Variants in CNTNAP2 observed in about 807,000 individuals in gnomAD.
CNTNAP2 encodes contactin associated protein 2.
CNTNAP2 carries 98 observed loss-of-function variants against 155.2 expected under a neutral mutation model. That is an observed-to-expected ratio of 0.63 (90% CI 0.54 to 0.75). The LOEUF is 0.75. CNTNAP2 is among the 30% of genes least tolerant of loss of function. CNTNAP2 has a pLI of 0.00. For synonymous variants in CNTNAP2, 651 were observed against 631.2 expected, an observed-to-expected ratio of 1.03 and a Z score of -0.47; for missense variants, 1,727 against 1,688.1, an observed-to-expected ratio of 1.02 and a Z score of -0.40.
chr7:148,094,189 C>T (rs946120655), intron 15 of CNTNAP2, among the ~76,000 whole-genome samples: 3 of 152,202 alleles, frequency 2.0e-5, no homozygotes, highest in Non-Finnish European at 4.4e-5. Flanking sequence ...TACTTAATTT[C>T]TCTATAAGCC....
intron 12 of CNTNAP2, among the ~76,000 whole-genome samples, chr7:147,590,321 T>C (rs1260064237): frequency 6.6e-6 from 1 of 152,078 alleles, no homozygotes; most frequent in Non-Finnish European, 1.5e-5. Context: ...ATTGTAATAA[T>C]CCCAATGCAT....
intron 10 of CNTNAP2, among the ~76,000 whole-genome samples, chr7:147,479,724 A>T (rs1165337315): frequency 6.9e-6 from 1 of 144,872 alleles, no homozygotes; most frequent in Non-Finnish European, 1.5e-5. Context: ...TGTAGACCAA[A>T]TATGCTTGCT....
chr7:146,616,523 G>T (rs749127262), intron 1 of CNTNAP2, among the ~76,000 whole-genome samples: 8 of 152,128 alleles, frequency 5.3e-5, no homozygotes, highest in Non-Finnish European at 8.8e-5. Context: ...CTTCAATGAA[G>T]TTGTTCAGAT....
chr7:146,650,478 G>A (rs1192133161), intron 1 of CNTNAP2, among the ~76,000 whole-genome samples: 1 of 152,048 alleles, frequency 6.6e-6, no homozygotes, highest in Non-Finnish European at 1.5e-5. Context: ...TCACTTATAA[G>A]TGGGAGTTGA....
intron 14 of CNTNAP2, among the ~76,000 whole-genome samples, chr7:147,970,472 C>A (rs1007127001): frequency 4.6e-5 from 7 of 152,082 alleles, no homozygotes; most frequent in Non-Finnish European, 8.8e-5. Context: ...TGCCTATAAT[C>A]CCAGCACTTT....
chr7:147,548,014 G>A (rs10233981), intron 11 of CNTNAP2, among the ~76,000 whole-genome samples: 3,327 of 152,184 alleles, frequency 0.022, 121 homozygotes, highest in African/African-American at 0.077. Context: ...TCACTGATGG[G>A]CATTTTGGTT....
intron 8 of CNTNAP2, among the ~76,000 whole-genome samples, chr7:147,149,442 A>G (rs1801780785): frequency 6.6e-6 from 1 of 152,216 alleles, no homozygotes; most frequent in Non-Finnish European, 1.5e-5. Context: ...TTCACCTCTC[A>G]TAAACATATC....
At chr7:146,529,077 G>A (rs540495517) in intron 1 of CNTNAP2, among the ~76,000 whole-genome samples, 1 of 152,178 alleles carries the variant, frequency 6.6e-6, no homozygotes, top group South Asian at 2.1e-4. Context: ...TAAAATCATA[G>A]ACTAAATAAA....
At chr7:146,184,161 A>G (rs959218214) in intron 1 of CNTNAP2, among the ~76,000 whole-genome samples, 1 of 152,344 alleles carries the variant, frequency 6.6e-6, no homozygotes, top group Admixed American at 6.5e-5. Flanking sequence ...ATCACGGACT[A>G]TAAGTATGAG....
At chr7:147,505,823 C>A (rs1798896508) in intron 11 of CNTNAP2, among the ~76,000 whole-genome samples, 1 of 152,140 alleles carries the variant, frequency 6.6e-6, no homozygotes, top group African/African-American at 2.4e-5. Flanking sequence ...GCCATTTCTT[C>A]CCTGTAGTGC....
chr7:146,282,210 G>A (rs1015356345), intron 1 of CNTNAP2, among the ~76,000 whole-genome samples: 5 of 152,102 alleles, frequency 3.3e-5, no homozygotes, highest in Admixed American at 2.0e-4. Context: ...AAATGGTCTC[G>A]CTTATCCGTG....
intron 3 of CNTNAP2, among the ~76,000 whole-genome samples, chr7:146,997,512 A>G (rs1048942179): frequency 7.9e-5 from 12 of 152,146 alleles, no homozygotes; most frequent in African/African-American, 2.9e-4. Context: ...TTCATCAGGA[A>G]TATTGGCCAG....
intron 1 of CNTNAP2, among the ~76,000 whole-genome samples, chr7:146,450,125 A>T (rs1220242747): frequency 6.6e-6 from 1 of 152,182 alleles, no homozygotes; most frequent in Non-Finnish European, 1.5e-5. Flanking sequence ...CAAGGAGATA[A>T]AACAACAACA....
At chr7:147,482,910 G>A (rs960542017) in intron 10 of CNTNAP2, among the ~76,000 whole-genome samples, 4 of 151,232 alleles carry the variant, frequency 2.6e-5, no homozygotes, top group Non-Finnish European at 5.9e-5. Flanking sequence ...GCTGGATGTC[G>A]TGGTACACAC....
At chr7:146,690,993 T>C (rs1396887552) in intron 1 of CNTNAP2, among the ~76,000 whole-genome samples, 6 of 152,148 alleles carry the variant, frequency 3.9e-5, no homozygotes, top group African/African-American at 1.4e-4. Context: ...ATGCTGTGAT[T>C]CTGGAAAATA....
At chr7:146,492,559 C>T (rs1245572702) in intron 1 of CNTNAP2, among the ~76,000 whole-genome samples, 6 of 152,050 alleles carry the variant, frequency 3.9e-5, no homozygotes, top group Non-Finnish European at 8.8e-5. Context: ...TGGCAGAATT[C>T]TAAAAGCAAC....
chr7:147,265,371 A>G (rs1196273250), intron 8 of CNTNAP2, among the ~76,000 whole-genome samples: 2 of 152,028 alleles, frequency 1.3e-5, no homozygotes, highest in Admixed American at 1.3e-4. Context: ...CCTACATTTC[A>G]GCACACCAGC....
intron 9 of CNTNAP2, among the ~76,000 whole-genome samples, chr7:147,387,286 T>C (rs868209469): frequency 9.9e-5 from 15 of 152,206 alleles, no homozygotes; most frequent in African/African-American, 3.4e-4. Flanking sequence ...CATAATTATA[T>C]CTTCACTTTA....
intron 9 of CNTNAP2, among the ~76,000 whole-genome samples, chr7:147,300,847 C>G (rs1231970249): frequency 6.6e-6 from 1 of 151,940 alleles, no homozygotes; most frequent in Non-Finnish European, 1.5e-5. Context: ...TTCTGTAATA[C>G]CTTTCTTCTT....
Sources: gnomAD v4.1 joint callset for allele counts (sites outside exome capture counted in the v4.1 genomes callset) on GRCh38, gnomAD v4.1.1 for gene constraint, MANE v1.5 for transcripts, NCBI Gene and HGNC (gene_info 2026-07-23, HGNC 2026-07-21) for gene names.